LPP: variants seen among roughly 807,000 people sequenced by gnomAD.
The protein encoded by LPP is lipoma-preferred partner.
Under a neutral mutation model 60.4 loss-of-function variants are expected in LPP, and 38 were observed. That is an observed-to-expected ratio of 0.63 (90% CI 0.49 to 0.83). The LOEUF (loss-of-function observed/expected upper bound fraction) is 0.83. LPP is among the 40% of genes least tolerant of loss of function. LPP has a pLI of 0.00. For missense variants in LPP, 902 were observed against 783.6 expected (o/e 1.15, Z -1.80); for synonymous variants, 328 against 290.8 (o/e 1.13, Z -1.30).
At chr3:188,330,434 G>A (rs182769921) in intron 2 of LPP, among the ~76,000 whole-genome samples, 188 of 152,152 alleles carry the variant, frequency 1.2e-3, no homozygotes, top group Admixed American at 1.6e-3. Context: ...CTCATTCACC[G>A]TTCAGTTGCC....
At chr3:188,614,401 G>A (rs902734934) in intron 7 of LPP, among the ~76,000 whole-genome samples, 2 of 152,190 alleles carry the variant, frequency 1.3e-5, no homozygotes, top group African/African-American at 2.4e-5. Flanking sequence ...AATGAATGCA[G>A]ATAGATCCCT....
chr3:188,261,543 T>C (rs984218964), intron 2 of LPP, among the ~76,000 whole-genome samples: 3 of 152,188 alleles, frequency 2.0e-5, no homozygotes, highest in African/African-American at 7.2e-5. Flanking sequence ...TCGCTCAGAC[T>C]CAAAGTCTAA....
intron 4 of LPP, among the ~76,000 whole-genome samples, chr3:188,441,055 T>C (rs1793697542): frequency 6.6e-6 from 1 of 152,028 alleles, no homozygotes; most frequent in Admixed American, 6.6e-5. Flanking sequence ...TGCGTGCCTG[T>C]ATACATCAGA....
intron 5 of LPP, among the ~76,000 whole-genome samples, chr3:188,510,188 A>T (rs936388335): frequency 1.3e-5 from 2 of 152,166 alleles, no homozygotes; most frequent in Non-Finnish European, 2.9e-5. Flanking sequence ...TTGAGACAAG[A>T]ATAGTGAAGC....
At chr3:188,702,474 T>C (rs1432293540) in intron 7 of LPP, among the ~76,000 whole-genome samples, 1 of 152,182 alleles carries the variant, frequency 6.6e-6, no homozygotes, top group East Asian at 1.9e-4. Flanking sequence ...GACTTTATTG[T>C]AATTGCCTAT....
chr3:188,606,408 C>A (rs1049841401), intron 6 of LPP, among the ~76,000 whole-genome samples: 1 of 147,482 alleles, frequency 6.8e-6, no homozygotes, highest in African/African-American at 2.4e-5. Flanking sequence ...GATTTAGCTT[C>A]CTGTTAAGTT....
chr3:188,834,738 G>A (rs894057038), intron 9 of LPP, among the ~76,000 whole-genome samples: 4 of 152,098 alleles, frequency 2.6e-5, no homozygotes, highest in Admixed American at 6.6e-5. Context: ...AATGTTCTTA[G>A]GTTCCATGTC....
intron 9 of LPP, among the ~76,000 whole-genome samples, chr3:188,847,065 T>G (rs905397082): frequency 6.6e-6 from 1 of 152,186 alleles, no homozygotes; most frequent in East Asian, 1.9e-4. Flanking sequence ...TTGGGAAATT[T>G]TACATAAAAA....
chr3:188,609,161 A>G lies in LPP; in HGVS notation c.430A>G (p.Ser144Gly). The part of the protein sequence containing the change: ...SSPYKPRPPQ[S>G]STGSTASPPV... ...TTCTTTTTTTTCCTATTCTTTTTAG[A>G]GCTCCACTGGTTCAACAGCCTCTCC... Residue 144 changes from serine to glycine, a missense_variant and splice_region_variant, in exon 7 of 12, where the codon AGC (serine) becomes GGC (glycine). Transcript: ENST00000617246. This position sits in a 1 kb window ranked among gnomAD's most constrained non-coding sequence, Gnocchi z 6.9. 1 of 1,578,036 alleles carries G rather than the reference A, an allele frequency of 6.3e-7. No homozygotes were observed. The highest frequency in any genetic ancestry group is 2.3e-5 in the East Asian group (1 of 44,090).
intron 4 of LPP, among the ~76,000 whole-genome samples, chr3:188,452,849 G>A: frequency 6.6e-6 from 1 of 152,106 alleles, no homozygotes; most frequent in East Asian, 1.9e-4. Context: ...TCTCTGTTTT[G>A]TCATATTGTA....
intron 3 of LPP, among the ~76,000 whole-genome samples, chr3:188,384,466 A>G (rs1777691316): frequency 1.3e-5 from 2 of 152,014 alleles, no homozygotes; most frequent in Admixed American, 1.3e-4. Context: ...AGGGACTCAA[A>G]CCATCTTCAG....
chr3:188,677,407 G>A (rs966327739), intron 7 of LPP, among the ~76,000 whole-genome samples: 3 of 152,042 alleles, frequency 2.0e-5, no homozygotes, highest in African/African-American at 7.2e-5. Flanking sequence ...ATTTATCTGT[G>A]GCTTTGTGAA....
At chr3:188,538,204 A>T (rs1824164562) in intron 6 of LPP, among the ~76,000 whole-genome samples, 1 of 152,210 alleles carries the variant, frequency 6.6e-6, no homozygotes, top group African/African-American at 2.4e-5. Context: ...GAAAAAATAG[A>T]TGAGTTGGAC....
chr3:188,372,411 A>G (rs1422851168), intron 3 of LPP, among the ~76,000 whole-genome samples: 1 of 152,198 alleles, frequency 6.6e-6, no homozygotes, highest in Non-Finnish European at 1.5e-5. Context: ...GTTAAATAAC[A>G]TGAAAATAAA....
At chr3:188,514,599 G>A (rs530255069) in intron 5 of LPP, among the ~76,000 whole-genome samples, 25 of 151,948 alleles carry the variant, frequency 1.6e-4, no homozygotes, top group East Asian at 1.2e-3. Context: ...CCACCACCAC[G>A]CCCAGCTAAA....
intron 4 of LPP, among the ~76,000 whole-genome samples, chr3:188,470,981 C>T (rs1422298561): frequency 6.6e-6 from 1 of 152,164 alleles, no homozygotes; most frequent in East Asian, 1.9e-4. Context: ...AGAGGCCCAT[C>T]CAGTTAGAGG....
chr3:188,361,526 CCTCT>C (rs1390497454), intron 3 of LPP, among the ~76,000 whole-genome samples: 1 of 129,150 alleles, frequency 7.7e-6, no homozygotes, highest in African/African-American at 2.9e-5. Flanking sequence ...CCTCTCCTCT[CCTCT>C]CCTCTCCTCT....
intron 8 of LPP, among the ~76,000 whole-genome samples, chr3:188,733,459 A>G (rs968998808): frequency 3.3e-5 from 5 of 152,184 alleles, no homozygotes; most frequent in African/African-American, 1.2e-4. Flanking sequence ...ACTAAAATCA[A>G]TTTTGAAAAA....
Position 188,878,967 on chromosome 3 carries a change from A to G in LPP, c.*4488A>G. The G allele has an allele frequency of 4.4e-6, 1 of 227,948 alleles. No homozygotes were observed. Among genetic ancestry groups the G allele is most frequent in the Non-Finnish European group, 8.7e-6 (1 of 114,812 alleles). 14.1% of individuals were successfully genotyped at this position (227,948 alleles called of 1,614,324 possible). The stretch of plus-strand genomic sequence containing the variant: ...CAGTAGTTTTAGTCAGATAATGAGG[A>G]CAGAGACTTCAACTTGATTCTTTAC... On this transcript the variant is annotated 3_prime_UTR_variant, in exon 12 of 12. Transcript: ENST00000617246.
Sources: allele counts gnomAD v4.1 joint callset (sites outside exome capture counted in the v4.1 genomes callset), GRCh38; gene constraint gnomAD v4.1.1; non-coding constraint Gnocchi (gnomAD v3.1); transcripts MANE v1.5; gene names NCBI Gene and HGNC (gene_info 2026-07-23, HGNC 2026-07-21).